GSDME: variants seen among roughly 807,000 people sequenced by gnomAD.
GSDME encodes gasdermin-E.
A neutral mutation model predicts 47.5 loss-of-function variants in GSDME; 44 were observed. The observed-to-expected ratio is 0.93, with a 90% CI of 0.73 to 1.19. The LOEUF is 1.19. GSDME is among the 50% of genes most tolerant of loss of function. GSDME has a pLI of 0.00. For synonymous variants in GSDME, 258 were observed against 252.8 expected (o/e 1.02, Z -0.20); for missense variants, 663 against 604.2 (o/e 1.10, Z -1.02).
intron 7 of GSDME, among the ~76,000 whole-genome samples, chr7:24,707,096 T>C (rs1047490988): frequency 2.7e-4 from 41 of 152,222 alleles, no homozygotes; most frequent in African/African-American, 9.9e-4. Context: ...AATGCAAATG[T>C]CCTGGGCTGT....
At chr7:24,750,116 G>T (rs1201348129) in intron 1 of GSDME, among the ~76,000 whole-genome samples, 3 of 152,152 alleles carry the variant, frequency 2.0e-5, no homozygotes, top group African/African-American at 7.2e-5. Flanking sequence ...GTTTATTATG[G>T]TTATTCAGGG....
intron 1 of GSDME, among the ~76,000 whole-genome samples, chr7:24,752,975 C>G (rs1375199376): frequency 6.6e-6 from 1 of 151,106 alleles, no homozygotes; most frequent in East Asian, 1.9e-4. Context: ...GAGGAAATTC[C>G]TAAATTAATT....
chr7:24,727,149 CCTG>C (rs547018536), intron 3 of GSDME, among the ~76,000 whole-genome samples: 118 of 152,176 alleles, frequency 7.8e-4, no homozygotes, highest in African/African-American at 2.7e-3. Flanking sequence ...GGGGGATGGC[CCTG>C]ATCACCTAGA....
chr7:24,699,007 T>C lies in GSDME; in HGVS notation c.*19A>G, dbSNP rs370375336. 1.4e-5 allele frequency: 22 copies of C among 1,550,384 alleles called. No individual in the cohort carries two copies. The highest frequency in any genetic ancestry group is 1.9e-5 in the Non-Finnish European group (21 of 1,123,364). On this transcript the variant is annotated 3_prime_UTR_variant, in exon 10 of 10. Coordinates refer to ENST00000645220, the MANE Select transcript of GSDME (RefSeq NM_001127453.2). ...AATAGCCTTGGCCAGTAACACGTAC[T>C]TCTAGTTCACATATGACATCATGAA...
At chr7:24,766,468 G>A in the GSDME span, among the ~76,000 whole-genome samples, 2 of 151,906 alleles carry the variant, frequency 1.3e-5, no homozygotes, top group African/African-American at 2.4e-5. This position sits in a 1 kb window ranked among gnomAD's most constrained non-coding sequence, Gnocchi z 4.2. Flanking sequence ...CACACCCACC[G>A]ACAGGCCCCG....
chr7:24,724,259 G>A lies in GSDME; in HGVS notation c.405-5041C>T, dbSNP rs1045496834. On this transcript the variant is annotated intron_variant, in intron 3 of 9. Coordinates refer to ENST00000645220, the MANE Select transcript of GSDME (RefSeq NM_001127453.2). The surrounding 1 kb of genome is among the most constrained non-coding windows in gnomAD (Gnocchi z 4.8). ...GACAAAGTACTTGCTCTTTTTATTG[G>A]TGCCTAGCCCTGTGCTATCCACCCA... Among the ~76,000 whole-genome samples, 4 of 151,954 alleles carry A rather than the reference G, an allele frequency of 2.6e-5. No individual in the cohort carries two copies. The highest frequency in any genetic ancestry group is 9.7e-5 in the African/African-American group (4 of 41,338).
chr7:24,732,709 G>C lies in GSDME; in HGVS notation c.404+11853C>G, dbSNP rs373568765. Reference sequence around the variant, plus strand: ...GCAGAACTCAGCCAGCGCCCACTGAGGGAGCATGTAGACCAGCCCTAGCCA... The same window carrying C: ...GCAGAACTCAGCCAGCGCCCACTGACGGAGCATGTAGACCAGCCCTAGCCA... On this transcript the variant is annotated intron_variant, in intron 3 of 9. Transcript: ENST00000645220. The surrounding 1 kb of genome is among the most constrained non-coding windows in gnomAD (Gnocchi z 4.8). Among the ~76,000 whole-genome samples, 15 of 152,334 alleles carry C rather than the reference G, an allele frequency of 9.8e-5. 1 individual carries two copies. The highest frequency in any genetic ancestry group is 7.2e-4 in the Admixed American group (11 of 15,306).
chr7:24,712,955 T>G lies in GSDME; in HGVS notation c.698-2567A>C, dbSNP rs1584060632. ...ATCGTTTGAACCTGGGAGGCGGAGG[T>G]TGTGGTGAGCCAAGATCGCACCATT... is the stretch of plus-strand genomic sequence containing the variant. On this transcript the variant is annotated intron_variant, in intron 5 of 9. Coordinates refer to ENST00000645220, the MANE Select transcript of GSDME (RefSeq NM_001127453.2). This position sits in a 1 kb window ranked among gnomAD's most constrained non-coding sequence, Gnocchi z 4.4. Among the ~76,000 whole-genome samples, 1 of 150,690 alleles carries G rather than the reference T, an allele frequency of 6.6e-6. No homozygotes were observed. The highest frequency in any genetic ancestry group is 1.5e-5 in the Non-Finnish European group (1 of 67,698).
At chr7:24,702,989 T>G in intron 8 of GSDME, 156 bp from the exon 9 acceptor site, 1 of 627,964 alleles carries the variant, frequency 1.6e-6, no homozygotes, top group Non-Finnish European at 2.9e-6. Flanking sequence ...TGAATGGTGC[T>G]AAATGGGCAG....
At chr7:24,765,388 G>T in the GSDME span, among the ~76,000 whole-genome samples, 2 of 152,136 alleles carry the variant, frequency 1.3e-5, no homozygotes, top group Non-Finnish European at 2.9e-5. Flanking sequence ...AAATTGTTTA[G>T]CCTAAAGCTC....
chr7:24,699,390 T>C (rs1788769682), intron 9 of GSDME, 131 bp from the exon 10 acceptor site: 1 of 706,972 alleles, frequency 1.4e-6, no homozygotes, highest in Admixed American at 2.0e-5. Context: ...TCGTCCAGGC[T>C]GGAGTGCAGT....
rs55675261 is a variant in GSDME at position 24,707,892 on chromosome 7, C to T, written c.990+235G>A. The T allele has an allele frequency of 0.046, 26,788 of 579,228 alleles. 767 individuals are homozygous for T. The highest frequency in any genetic ancestry group is 0.059 in the Non-Finnish European group (19,454 of 328,576). 35.9% of individuals were successfully genotyped at this position (579,228 alleles called of 1,614,324 possible). On this transcript the variant is annotated intron_variant, in intron 7 of 9. Transcript: ENST00000645220. The stretch of plus-strand genomic sequence containing the variant: ...CTCCAAAACTATGAGAGAATAAATT[C>T]CTGGTTTTTTAAGCCCTCAGGTTTG...
rs568721542 is a variant in GSDME, at chr7:24,746,032, G to C, written c.212-1278C>G. The stretch of plus-strand genomic sequence containing the variant: ...ATTCAAACCCACCGGCAGTCTGAAA[G>C]GCTTCTTTCCATCCACTCACTGCCC... On this transcript the variant is annotated intron_variant, in intron 2 of 9. Transcript: ENST00000645220. Among the ~76,000 whole-genome samples the C allele has an allele frequency of 1.4e-4, 21 of 152,116 alleles. No homozygotes were observed. In the South Asian group the frequency reaches 4.4e-3, roughly 32 times the overall value.
intron 3 of GSDME, among the ~76,000 whole-genome samples, chr7:24,730,871 A>C (rs1045979573): frequency 6.6e-6 from 1 of 152,182 alleles, no homozygotes; most frequent in African/African-American, 2.4e-5. Context: ...GATTTCTGTA[A>C]AAAGACTAAA....
chr7:24,766,048 A>G, the GSDME span, among the ~76,000 whole-genome samples: 1 of 152,196 alleles, frequency 6.6e-6, no homozygotes, highest in Admixed American at 6.5e-5. This position sits in a 1 kb window ranked among gnomAD's most constrained non-coding sequence, Gnocchi z 4.2. Flanking sequence ...TTTTACCTTT[A>G]GGTAAATTAA....
intron 8 of GSDME, 51 bp from the exon 9 acceptor site, chr7:24,702,884 A>G: frequency 3.3e-6 from 5 of 1,518,788 alleles, no homozygotes; most frequent in South Asian, 1.1e-5. Flanking sequence ...AGTCCATGGG[A>G]ACAGAGCCAG....
upstream of GSDME, among the ~76,000 whole-genome samples, chr7:24,761,262 C>G (rs1405391833): frequency 6.6e-6 from 1 of 152,116 alleles, no homozygotes; most frequent in Non-Finnish European, 1.5e-5. The surrounding 1 kb of genome is among the most constrained non-coding windows in gnomAD (Gnocchi z 4.4). Flanking sequence ...ATGTCTTTGC[C>G]CATTCGGTTT....
In GSDME at chr7:24,699,391, G is replaced by A. The variant is rs142324973; in HGVS notation, c.1258-132C>T. 4.0e-3 allele frequency: 2,830 copies of A among 707,212 alleles called. 12 individuals are homozygous for A. The highest frequency in any genetic ancestry group is 5.3e-3 in the Non-Finnish European group (2,076 of 392,010). The allele number at this position is 707,212 out of a possible 1,614,324, so 43.8% of individuals were successfully genotyped here. On this transcript the variant is annotated intron_variant, in intron 9 of 9. Transcript: ENST00000645220. ...GGAGTCTTGCTCTGTCGTCCAGGCT[G>A]GAGTGCAGTGGCGTGATCTCGGCTC...
chr7:24,744,373 A>G lies in GSDME; in HGVS notation c.404+189T>C. The G allele has an allele frequency of 4.6e-6, 3 of 658,650 alleles. No homozygotes were observed. The highest frequency in any genetic ancestry group is 8.0e-6 in the Non-Finnish European group (3 of 376,910). The allele number at this position is 658,650 out of a possible 1,614,324, so 40.8% of individuals were successfully genotyped here. A position where few individuals can be genotyped will look rare whatever the true frequency, so the allele number is the denominator to read the frequency against. On this transcript the variant is annotated intron_variant, in intron 3 of 9. Coordinates refer to ENST00000645220, the MANE Select transcript of GSDME (RefSeq NM_001127453.2). This position sits in a 1 kb window ranked among gnomAD's most constrained non-coding sequence, Gnocchi z 4.5. ...GTGCTTCCCAAGTCTCCCCCCACTC[A>G]GGCTAAGAACAGTCAAGCAATTCCA...
Sources: allele counts gnomAD v4.1 joint callset (sites outside exome capture counted in the v4.1 genomes callset), GRCh38; gene constraint gnomAD v4.1.1; non-coding constraint Gnocchi (gnomAD v3.1); transcripts MANE v1.5; gene names NCBI Gene and HGNC (gene_info 2026-07-23, HGNC 2026-07-21).